ADAMTS3: variants seen among roughly 807,000 people sequenced by gnomAD.
The protein encoded by ADAMTS3 is A disintegrin and metalloproteinase with thrombospondin motifs 3.
ADAMTS3 carries 73 observed loss-of-function variants against 129.0 expected under a neutral mutation model. The ratio of observed to expected loss-of-function variants is 0.57; its 90% confidence interval spans 0.47 to 0.69. The LOEUF (loss-of-function observed/expected upper bound fraction) is 0.69, where lower values mean the gene tolerates loss of function less well. ADAMTS3 is among the 30% of genes least tolerant of loss of function. The pLI, the probability that ADAMTS3 is intolerant of heterozygous loss-of-function variation, is 0.00. For synonymous variants in ADAMTS3, 477 were observed against 510.8 expected, an observed-to-expected ratio of 0.93 and a Z score of 0.89; for missense variants, 1,457 against 1,514.5, an observed-to-expected ratio of 0.96 and a Z score of 0.63.
intron 4 of ADAMTS3, among the ~76,000 whole-genome samples, chr4:72,370,097 G>A (rs1321545998): frequency 2.6e-5 from 4 of 152,136 alleles, no homozygotes; most frequent in Non-Finnish European, 5.9e-5. Context: ...GCAAAAACAA[G>A]TTGACCTTTT....
At position 72,485,510 on chromosome 4, in the gene ADAMTS3, A is replaced by AT. The variant is rs903906885; in HGVS notation, c.504+62967dup. Among the ~76,000 whole-genome samples the AT allele has an allele frequency of 2.1e-4, 32 of 149,930 alleles. No individual in the cohort carries two copies. The East Asian group carries it at 4.1e-3, about 19-fold the overall frequency. On this transcript the variant is annotated intron_variant, in intron 3 of 21. Transcript: ENST00000286657. ...TATGTATGTTCTGGTTTAACAGGTTATTTTTTTTTTAAAGATCATTGGAAA... is the reference window on the plus strand; with the variant it reads ...TATGTATGTTCTGGTTTAACAGGTTATTTTTTTTTTTAAAGATCATTGGAAA...
chr4:72,438,130 C>A (rs1230653639), intron 3 of ADAMTS3, among the ~76,000 whole-genome samples: 1 of 151,652 alleles, frequency 6.6e-6, no homozygotes, highest in Admixed American at 6.6e-5. Context: ...GGGAAAGCAA[C>A]CCGACTATAT....
At chr4:72,302,386 G>A (rs919399414) in intron 17 of ADAMTS3, among the ~76,000 whole-genome samples, 7 of 151,558 alleles carry the variant, frequency 4.6e-5, no homozygotes, top group Non-Finnish European at 1.0e-4. Flanking sequence ...ATAGGCTCAA[G>A]GACAGATTGG....
At chr4:72,440,717 A>G (rs1236026754) in intron 3 of ADAMTS3, among the ~76,000 whole-genome samples, 1 of 149,606 alleles carries the variant, frequency 6.7e-6, no homozygotes, top group Non-Finnish European at 1.5e-5. Flanking sequence ...TGCAGCTGAG[A>G]ACTTTATACA....
chr4:72,287,354 A>T (rs998354489), intron 21 of ADAMTS3, among the ~76,000 whole-genome samples: 1 of 151,574 alleles, frequency 6.6e-6, no homozygotes, highest in Non-Finnish European at 1.5e-5. Context: ...GGAGAGAGAG[A>T]GAGGTGGAAG....
At chr4:72,538,695 T>A (rs978261132) in intron 3 of ADAMTS3, among the ~76,000 whole-genome samples, 2 of 151,880 alleles carry the variant, frequency 1.3e-5, no homozygotes, top group African/African-American at 4.8e-5. Flanking sequence ...GGAACCCAAA[T>A]CACCAAAACA....
chr4:72,418,876 T>A (rs1243494965), intron 3 of ADAMTS3, among the ~76,000 whole-genome samples: 2 of 152,220 alleles, frequency 1.3e-5, no homozygotes, highest in African/African-American at 4.8e-5. Context: ...CATCCTCAAG[T>A]TTGCCATTCT....
intron 4 of ADAMTS3, among the ~76,000 whole-genome samples, chr4:72,373,334 G>A (rs4694481): frequency 0.99 from 150,153 of 152,242 alleles, 74,071 homozygotes; most frequent in Non-Finnish European, 1. Context: ...CTGCCACGCA[G>A]TGGGAAAAGA....
At chr4:72,436,464 T>C (rs1717929551) in intron 3 of ADAMTS3, among the ~76,000 whole-genome samples, 1 of 152,130 alleles carries the variant, frequency 6.6e-6, no homozygotes, top group African/African-American at 2.4e-5. Context: ...CTCAAGGATC[T>C]AGAACTAGAA....
intron 3 of ADAMTS3, among the ~76,000 whole-genome samples, chr4:72,485,931 CAG>C (rs1719579652): frequency 6.6e-6 from 1 of 152,188 alleles, no homozygotes; most frequent in African/African-American, 2.4e-5. Flanking sequence ...ATCTTTGAAG[CAG>C]AGACTGGGCC....
chr4:72,399,561 T>C (rs1348534057), intron 4 of ADAMTS3, among the ~76,000 whole-genome samples: 1 of 152,072 alleles, frequency 6.6e-6, no homozygotes, highest in African/African-American at 2.4e-5. Flanking sequence ...GCTAGACCCT[T>C]GAGTAAGCAA....
Position 72,290,912 on chromosome 4 carries a change from G to A in ADAMTS3, c.2874C>T (p.Arg958=), listed in dbSNP as rs879091189. ...GGCAGGGCACTCTGTTACAGGGCCG[G>A]CGGCTCTCGGGACGGTCACCCATGC... ...KYCMGDRPES[R]RPCNRVPCPA... is the part of the protein sequence containing the mutation. The change falls in exon 20 of 22, where the codon CGC becomes CGT. Residue 958 remains arginine (R), a synonymous_variant. Coordinates refer to ENST00000286657, the MANE Select transcript of ADAMTS3 (RefSeq NM_014243.3). 3.1e-6 allele frequency: 5 copies of A among 1,614,050 alleles called. No individual in the cohort carries two copies. In the South Asian group the frequency reaches 5.5e-5, roughly 18 times the overall value.
intron 12 of ADAMTS3, among the ~76,000 whole-genome samples, chr4:72,313,128 A>G (rs750538608): frequency 2.2e-4 from 34 of 152,204 alleles, no homozygotes; most frequent in Non-Finnish European, 4.6e-4. Flanking sequence ...AGAATCCTCT[A>G]AATGTGAGAA....
At chr4:72,531,619 G>A (rs773864285) in intron 3 of ADAMTS3, among the ~76,000 whole-genome samples, 61 of 152,252 alleles carry the variant, frequency 4.0e-4, no homozygotes, top group African/African-American at 9.9e-4. Flanking sequence ...CTGTTGAAGC[G>A]CAGGACAACT....
intron 4 of ADAMTS3, among the ~76,000 whole-genome samples, chr4:72,404,223 C>T (rs559083552): frequency 1.9e-3 from 286 of 152,002 alleles, no homozygotes; most frequent in African/African-American, 6.7e-3. Context: ...ATAATCTTTA[C>T]AACAAAGAAC....
intron 6 of ADAMTS3, 25 bp downstream of exon 6, chr4:72,322,989 T>A: frequency 6.3e-7 from 1 of 1,579,442 alleles, no homozygotes; most frequent in Non-Finnish European, 8.7e-7. Flanking sequence ...CTAATGTTTA[T>A]AATTCATGTT....
chr4:72,316,646 C>A (rs1719404540), intron 10 of ADAMTS3, among the ~76,000 whole-genome samples: 1 of 151,844 alleles, frequency 6.6e-6, no homozygotes, highest in East Asian at 1.9e-4. Context: ...CGAGATCAAG[C>A]CACTGTACCC....
chr4:72,537,999 C>T (rs1000856001), intron 3 of ADAMTS3, among the ~76,000 whole-genome samples: 9 of 152,040 alleles, frequency 5.9e-5, no homozygotes, highest in African/African-American at 1.4e-4. Context: ...ACTAACTGTA[C>T]TGGAAAATTC....
chr4:72,486,104 A>G (rs932605570), intron 3 of ADAMTS3, among the ~76,000 whole-genome samples: 3 of 152,222 alleles, frequency 2.0e-5, no homozygotes, highest in African/African-American at 7.2e-5. Context: ...CCTTCATGCA[A>G]GAACTGTATA....
Sources: allele counts gnomAD v4.1 joint callset (sites outside exome capture counted in the v4.1 genomes callset), GRCh38; gene constraint gnomAD v4.1.1; transcripts MANE v1.5; gene names NCBI Gene and HGNC (gene_info 2026-07-23, HGNC 2026-07-21).